LINGO2: variants seen among roughly 807,000 people sequenced by gnomAD.
LINGO2 encodes the protein leucine-rich repeat and immunoglobulin-like domain-containing nogo receptor-interacting protein 2.
In LINGO2, 14 loss-of-function variants were observed where a neutral mutation model predicts 30.6. The observed-to-expected ratio is 0.46, with a 90% CI of 0.30 to 0.72. LINGO2 has a LOEUF of 0.72. Ranked by LOEUF, LINGO2 falls within the 30% of genes least tolerant of loss-of-function variation. The probability of loss-of-function intolerance (pLI) is 0.07; values close to 1 mark genes in which losing one functional copy is unlikely to be tolerated. For missense variants in LINGO2, 729 were observed against 751.7 expected, an observed-to-expected ratio of 0.97 and a Z score of 0.35; for synonymous variants, 317 against 288.5, an observed-to-expected ratio of 1.10 and a Z score of -1.00.
chr9:28,252,803 C>A (rs1471872285), intron 4 of LINGO2, among the ~76,000 whole-genome samples: 1 of 151,822 alleles, frequency 6.6e-6, no homozygotes, highest in African/African-American at 2.4e-5. Flanking sequence ...AGTAATAGTA[C>A]AAGATGTGGA....
the LINGO2 span, among the ~76,000 whole-genome samples, chr9:28,884,760 T>A: frequency 2.0e-5 from 1 of 50,738 alleles, no homozygotes; most frequent in African/African-American, 6.3e-5. Context: ...ACACATTATA[T>A]ATAGTGTGTG....
At chr9:28,176,533 C>G (rs1828756395) in intron 4 of LINGO2, among the ~76,000 whole-genome samples, 1 of 152,042 alleles carries the variant, frequency 6.6e-6, no homozygotes, top group African/African-American at 2.4e-5. Context: ...GTAGATTATG[C>G]TCAATAAAGA....
chr9:28,035,433 C>T lies in LINGO2; in HGVS notation c.-86-23028G>A, dbSNP rs114642188. 9.0e-3 allele frequency among the ~76,000 whole-genome samples: 1,377 copies of T among 152,276 alleles called. 23 individuals are homozygous for T. Among genetic ancestry groups the T allele is most frequent in the African/African-American group, 0.032 (1,322 of 41,556 alleles). On this transcript the variant is annotated intron_variant, in intron 4 of 5. Transcript: ENST00000379992. ...TGAAGGTCTTTTACAGTTAATATGA[C>T]TACCTCAGATAATTACAATACTGCT...
intron 1 of LINGO2, among the ~76,000 whole-genome samples, chr9:28,570,630 T>C (rs927845174): frequency 1.3e-5 from 2 of 151,438 alleles, no homozygotes; most frequent in Admixed American, 1.3e-4. Context: ...CACCGTGTGA[T>C]TGACTATCTA....
the LINGO2 span, among the ~76,000 whole-genome samples, chr9:28,971,816 G>A: frequency 3.3e-5 from 5 of 152,202 alleles, no homozygotes; most frequent in African/African-American, 1.2e-4. Flanking sequence ...AATAGCCAGA[G>A]AATGGTTACA....
intron 4 of LINGO2, among the ~76,000 whole-genome samples, chr9:28,049,720 C>T (rs1824586345): frequency 6.6e-6 from 1 of 150,432 alleles, no homozygotes; most frequent in Non-Finnish European, 1.5e-5. Flanking sequence ...TGCGGCAGGT[C>T]TAACAGGTCT....
chr9:28,544,353 AC>A (rs1222606555), intron 1 of LINGO2, among the ~76,000 whole-genome samples: 1 of 152,136 alleles, frequency 6.6e-6, no homozygotes, highest in African/African-American at 2.4e-5. Flanking sequence ...TGGAAATCAT[AC>A]CTGTAATGCA....
At chr9:27,949,314 G>A (rs1823506692) in exon 6 of LINGO2, 4 of 1,614,130 alleles carry the variant, frequency 2.5e-6, no homozygotes, top group East Asian at 4.5e-5. Context: ...GGACTTGGTG[G>A]TGATGAAACG....
chr9:27,983,486 C>T (rs767120174), intron 5 of LINGO2, among the ~76,000 whole-genome samples: 2 of 151,832 alleles, frequency 1.3e-5, no homozygotes, highest in Admixed American at 6.6e-5. Context: ...TACCATGTAC[C>T]AGGACCCTGT....
chr9:29,116,251 A>G, the LINGO2 span, among the ~76,000 whole-genome samples: 2 of 152,068 alleles, frequency 1.3e-5, no homozygotes, highest in African/African-American at 2.4e-5. Context: ...AAAAATTACA[A>G]AATATCTAAG....
At chr9:28,984,855 T>C in the LINGO2 span, among the ~76,000 whole-genome samples, 2 of 152,142 alleles carry the variant, frequency 1.3e-5, no homozygotes, top group African/African-American at 4.8e-5. Flanking sequence ...CAAGTATTTA[T>C]TATTTTTGTA....
chr9:27,950,980 G>T (rs958752885), intron 5 of LINGO2, among the ~76,000 whole-genome samples: 8 of 152,114 alleles, frequency 5.3e-5, no homozygotes, highest in African/African-American at 1.9e-4. Context: ...TTCAATGTTT[G>T]ACAAGTATAA....
intron 1 of LINGO2, chr9:28,598,656 C>G (rs1825321807): frequency 6.6e-6 from 1 of 152,168 alleles, no homozygotes; most frequent in Non-Finnish European, 1.5e-5. Context: ...TGGATACAAG[C>G]CACTCCAATC....
At chr9:28,240,088 T>C (rs1267945268) in intron 4 of LINGO2, among the ~76,000 whole-genome samples, 1 of 152,086 alleles carries the variant, frequency 6.6e-6, no homozygotes, top group African/African-American at 2.4e-5. Context: ...AAAAGATTTC[T>C]ACAATAAAAA....
chr9:28,678,624 AT>A, the LINGO2 span, among the ~76,000 whole-genome samples: 1 of 152,150 alleles, frequency 6.6e-6, no homozygotes, highest in Non-Finnish European at 1.5e-5. Context: ...ATACAATATC[AT>A]TTACCTAAAG....
rs1403919126 is a variant in LINGO2, at chr9:28,148,232, C to T, written c.-86-135827G>A. 8 of 725,342 alleles carry T rather than the reference C, an allele frequency of 1.1e-5. No homozygotes were observed. The highest frequency in any genetic ancestry group is 2.9e-5 in the East Asian group (1 of 33,986). 44.9% of individuals were successfully genotyped at this position (725,342 alleles called of 1,614,324 possible). A position where few individuals can be genotyped will look rare whatever the true frequency, so the allele number is the denominator to read the frequency against. On this transcript the variant is annotated intron_variant, in intron 4 of 5. Transcript: ENST00000379992. This position sits in a 1 kb window ranked among gnomAD's most constrained non-coding sequence, Gnocchi z 5.1. ...CCCTATGAGGCTGTGTCTTATCCCT[C>T]GGAACATGGGCACCCCACAGAGGGT... is the stretch of plus-strand genomic sequence containing the variant.
chr9:28,501,018 AAG>A (rs768307516), intron 1 of LINGO2, among the ~76,000 whole-genome samples: 53 of 152,292 alleles, frequency 3.5e-4, no homozygotes, highest in Non-Finnish European at 4.4e-4. Context: ...GAGAAAAATA[AAG>A]ACTTTTATAA....
intron 4 of LINGO2, among the ~76,000 whole-genome samples, chr9:28,289,098 A>G (rs556792359): frequency 6.6e-6 from 1 of 152,308 alleles, no homozygotes; most frequent in East Asian, 1.9e-4. Flanking sequence ...TAGTTTTGTT[A>G]TAAACTTCTG....
At chr9:28,372,806 T>C (rs946704094) in intron 3 of LINGO2, 30 bp downstream of exon 5, 1 of 152,590 alleles carries the variant, frequency 6.6e-6, no homozygotes, top group Non-Finnish European at 1.5e-5. Flanking sequence ...AAATTGTCAA[T>C]TTATAACAAA....
Sources: gnomAD v4.1 joint callset for allele counts (sites outside exome capture counted in the v4.1 genomes callset) on GRCh38, gnomAD v4.1.1 for gene constraint, Gnocchi (gnomAD v3.1) non-coding constraint, MANE v1.5 for transcripts, NCBI Gene and HGNC (gene_info 2026-07-23, HGNC 2026-07-21) for gene names.